The following FABP12 variants were observed in gnomAD, a reference collection of about 807,000 sequenced individuals.
The protein encoded by FABP12 is fatty acid-binding protein 12.
In FABP12, 19 loss-of-function variants were observed where a neutral mutation model predicts 13.7. The ratio of observed to expected loss-of-function variants is 1.39; its 90% CI spans 0.97 to 2.04. The LOEUF is 2.04. Among genes scored for constraint, FABP12 ranks in the 30% most tolerant of loss-of-function variants. FABP12 has a pLI of 0.00. For synonymous variants in FABP12, 61 were observed against 57.0 expected (o/e 1.07, Z -0.32); for missense variants, 182 against 164.2 (o/e 1.11, Z -0.59).
At chr8:81,555,524 T>C (rs746789347) in intron 1 of FABP12, among the ~76,000 whole-genome samples, 1 of 152,214 alleles carries the variant, frequency 6.6e-6, no homozygotes, top group African/African-American at 2.4e-5. Context: ...ATGTATTCAG[T>C]GACTAATGAA....
In FABP12 at chr8:81,553,560, G is replaced by C. The variant is rs78975316; in HGVS notation, c.-184-13817C>G. ...TCAAATTCAGAAATGGGAGAACCTA[G>C]AGAAAGCATCTGTCATGCTTTTATT... On this transcript the variant is annotated intron_variant, in intron 1 of 5. Coordinates refer to the FABP12 transcript ENST00000692030. Among the ~76,000 whole-genome samples the C allele has an allele frequency of 5.9e-3, 901 of 152,238 alleles. 38 individuals carry two copies. The East Asian group carries it at 0.082, about 14-fold the overall frequency.
chr8:81,578,528 C>G (rs1276268319), intron 1 of FABP12, among the ~76,000 whole-genome samples: 1 of 150,734 alleles, frequency 6.6e-6, no homozygotes, highest in African/African-American at 2.4e-5. Flanking sequence ...CTCTGTCGCC[C>G]AGGCTGGAGT....
At chr8:81,534,751 T>C (rs1356580342), upstream of FABP12, among the ~76,000 whole-genome samples, 2 of 152,144 alleles carry the variant, frequency 1.3e-5, no homozygotes, top group East Asian at 1.9e-4. Flanking sequence ...GAGACCATCC[T>C]AGCCAACATG....
chr8:81,589,438 C>G (rs1810288559), intron 1 of FABP12, among the ~76,000 whole-genome samples: 1 of 151,988 alleles, frequency 6.6e-6, no homozygotes, highest in Non-Finnish European at 1.5e-5. Context: ...AACATCTCTC[C>G]AGCTGACAAA....
At chr8:81,554,750 A>G (rs1809579097) in intron 1 of FABP12, among the ~76,000 whole-genome samples, 2 of 152,122 alleles carry the variant, frequency 1.3e-5, no homozygotes, top group African/African-American at 4.8e-5. Flanking sequence ...TTGAAAGAAG[A>G]ATTGTCTCGG....
intron 1 of FABP12, among the ~76,000 whole-genome samples, chr8:81,558,573 A>G (rs1421572860): frequency 6.6e-6 from 1 of 152,102 alleles, no homozygotes; most frequent in Admixed American, 6.5e-5. Context: ...CATAGCCGAG[A>G]TACTCTTGGC....
At chr8:81,541,952 A>G (rs1809355216) in intron 1 of FABP12, among the ~76,000 whole-genome samples, 1 of 148,972 alleles carries the variant, frequency 6.7e-6, no homozygotes, top group African/African-American at 2.5e-5. Context: ...GACAAAGAAA[A>G]TCTTTCAACA....
intron 1 of FABP12, among the ~76,000 whole-genome samples, chr8:81,566,775 T>A (rs1191404657): frequency 2.6e-5 from 4 of 152,154 alleles, no homozygotes; most frequent in Admixed American, 1.3e-4. Flanking sequence ...CTGTCCCCAA[T>A]ATTATTCAGT....
chr8:81,575,515 T>C (rs1405601342), intron 1 of FABP12, among the ~76,000 whole-genome samples: 1 of 152,208 alleles, frequency 6.6e-6, no homozygotes, highest in Admixed American at 6.5e-5. Context: ...TTTGTTGACT[T>C]TCTGTCTTGA....
At chr8:81,531,708 CTCT>C (rs1809080527) in intron 1 of FABP12, among the ~76,000 whole-genome samples, 1 of 152,196 alleles carries the variant, frequency 6.6e-6, no homozygotes, top group African/African-American at 2.4e-5. Flanking sequence ...AGGTCTCTCT[CTCT>C]GTCTGTCCAA....
intron 1 of FABP12, among the ~76,000 whole-genome samples, chr8:81,588,045 G>A (rs1462900815): frequency 1.3e-5 from 2 of 152,088 alleles, no homozygotes; most frequent in Admixed American, 6.6e-5. Flanking sequence ...GTTTTTCCAC[G>A]TTCCTCTGCC....
exon 5 of FABP12, chr8:81,524,990 A>T: frequency 8.7e-7 from 1 of 1,149,474 alleles, no homozygotes; most frequent in Non-Finnish European, 1.3e-6. Context: ...GTAATATTTT[A>T]CTTTGGAGTT....
At chr8:81,557,990 C>T (rs985093207) in intron 1 of FABP12, among the ~76,000 whole-genome samples, 17 of 152,140 alleles carry the variant, frequency 1.1e-4, no homozygotes, top group African/African-American at 2.9e-4. Context: ...CATGGGCACT[C>T]GGTGAGGGAG....
chr8:81,572,388 C>G (rs1481059166), intron 1 of FABP12, among the ~76,000 whole-genome samples: 1 of 152,136 alleles, frequency 6.6e-6, no homozygotes, highest in African/African-American at 2.4e-5. Flanking sequence ...CACGATTTTG[C>G]TATTGTAAAT....
chr8:81,582,774 C>T (rs1810186188), intron 1 of FABP12, among the ~76,000 whole-genome samples: 1 of 151,992 alleles, frequency 6.6e-6, no homozygotes, highest in Admixed American at 6.6e-5. Flanking sequence ...CTTTGATACC[C>T]CATTCTCAGC....
At chr8:81,553,818 G>C (rs1563550367) in intron 1 of FABP12, among the ~76,000 whole-genome samples, 1 of 152,206 alleles carries the variant, frequency 6.6e-6, no homozygotes, top group Non-Finnish European at 1.5e-5. Context: ...CTCAAATGTA[G>C]AGAAGGGGAA....
upstream of FABP12, among the ~76,000 whole-genome samples, chr8:81,534,136 C>G (rs1266109920): frequency 1.3e-5 from 2 of 152,100 alleles, no homozygotes; most frequent in African/African-American, 2.4e-5. Flanking sequence ...CATACACACA[C>G]ACCATACACA....
chr8:81,564,497 T>TAC (rs1251723754), intron 1 of FABP12, among the ~76,000 whole-genome samples: 1 of 151,778 alleles, frequency 6.6e-6, no homozygotes. Context: ...ATAGAGACAA[T>TAC]ACAATAAGAT....
chr8:81,565,419 T>C (rs1474345715), intron 1 of FABP12, among the ~76,000 whole-genome samples: 1 of 152,036 alleles, frequency 6.6e-6, no homozygotes, highest in East Asian at 1.9e-4. Flanking sequence ...TTCTCAAGAA[T>C]AGACCATAAG....
Sources: allele counts gnomAD v4.1 joint callset (sites outside exome capture counted in the v4.1 genomes callset), GRCh38; gene constraint gnomAD v4.1.1; transcripts MANE v1.5; gene names NCBI Gene and HGNC (gene_info 2026-07-23, HGNC 2026-07-21).